The following MAN1A2 variants were observed in gnomAD, a reference collection of about 807,000 sequenced individuals.
The protein encoded by MAN1A2 is mannosyl-oligosaccharide 1,2-alpha-mannosidase IB.
Under a neutral mutation model 75.7 loss-of-function variants are expected in MAN1A2, and 26 were observed. That is an observed-to-expected ratio of 0.34 (90% CI 0.25 to 0.48). The LOEUF is 0.48. Among genes scored for constraint, MAN1A2 ranks in the 20% least tolerant of loss-of-function variants. The pLI, the probability that MAN1A2 is intolerant of heterozygous loss-of-function variation, is 0.99. For synonymous variants in MAN1A2, 247 were observed against 264.6 expected, an observed-to-expected ratio of 0.93 and a Z score of 0.65; for missense variants, 562 against 775.5, an observed-to-expected ratio of 0.72 and a Z score of 3.27.
intron 1 of MAN1A2, among the ~76,000 whole-genome samples, 182 bp from the exon 2 acceptor site, chr1:117,402,004 C>A (rs1464019740): frequency 1.3e-5 from 2 of 152,066 alleles, no homozygotes; most frequent in African/African-American, 4.8e-5. Flanking sequence ...CTTAGGCATC[C>A]AGGGTTCCTT....
chr1:117,407,681 A>G (rs1299532475), intron 3 of MAN1A2, among the ~76,000 whole-genome samples: 1 of 152,228 alleles, frequency 6.6e-6, no homozygotes, highest in Non-Finnish European at 1.5e-5. Context: ...TGCAGATAAC[A>G]GAAAATCCAT....
In MAN1A2 at chr1:117,502,903, G is replaced by A. The variant is rs764855309; in HGVS notation, c.1726G>A (p.Asp576Asn). ...RVNGGFSGVK[D>N]VYSSTPTHDD... Reference sequence around the variant, plus strand: ...TAATGGTGGGTTTTCTGGAGTCAAAGATGTATATTCCTCTACTCCTACACA... The same window carrying A: ...TAATGGTGGGTTTTCTGGAGTCAAAAATGTATATTCCTCTACTCCTACACA... Residue 576 changes from aspartate (D) to asparagine (N), a missense_variant, in exon 12 of 13, where the codon GAT becomes AAT. By Grantham distance (23) the Asp-to-Asn change is conservative (BLOSUM62 1). This residue lies in a region of MAN1A2 where 434 missense variants were observed against 645.7 expected (regional missense o/e 0.67). Coordinates refer to ENST00000356554, the MANE Select transcript of MAN1A2 (RefSeq NM_006699.5). The A allele has an allele frequency of 1.9e-6, 3 of 1,608,324 alleles. No individual in the cohort carries two copies. Among genetic ancestry groups the A allele is most frequent in the South Asian group, 1.1e-5 (1 of 90,762 alleles).
intron 7 of MAN1A2, among the ~76,000 whole-genome samples, chr1:117,465,063 G>A (rs1035311367): frequency 6.6e-6 from 1 of 152,046 alleles, no homozygotes; most frequent in East Asian, 1.9e-4. Context: ...TATATAAACA[G>A]AGATACAAGA....
chr1:117,417,536 T>TATATATATATATATATATATATATGTG (rs1648036499), intron 4 of MAN1A2, among the ~76,000 whole-genome samples: 1 of 133,154 alleles, frequency 7.5e-6, no homozygotes, highest in Non-Finnish European at 1.6e-5. Context: ...TGAGTTTAAA[T>TATATATATATATATATATATATATGTG]ATATATATAT....
intron 12 of MAN1A2, among the ~76,000 whole-genome samples, chr1:117,522,168 A>G (rs950173018): frequency 6.6e-6 from 1 of 151,936 alleles, no homozygotes; most frequent in Non-Finnish European, 1.5e-5. Context: ...CCTGTACCCC[A>G]GTAACTTATG....
chr1:117,522,936 A>G lies in MAN1A2; in HGVS notation c.1905A>G (p.Ser635=). The G allele has an allele frequency of 6.2e-7, 1 of 1,611,526 alleles. No homozygotes were observed. The highest frequency in any genetic ancestry group is 2.2e-5 in the East Asian group (1 of 44,844). ...PVLHLANTTL[S]GNPAVR ...TACATTTAGCCAACACCACACTTTC[A>G]GGTAATCCTGCTGTTCGATGAAAGC... Residue 635 remains serine, a synonymous_variant, in exon 13 of 13, where the codon TCA becomes TCG. Transcript: ENST00000356554.
chr1:117,458,803 C>T (rs945757597), intron 6 of MAN1A2, among the ~76,000 whole-genome samples: 1 of 151,752 alleles, frequency 6.6e-6, no homozygotes, highest in Non-Finnish European at 1.5e-5. Context: ...GGATTACTGG[C>T]GTGAGCCACC....
intron 12 of MAN1A2, among the ~76,000 whole-genome samples, chr1:117,519,744 A>G (rs1258644236): frequency 6.6e-6 from 1 of 152,104 alleles, no homozygotes; most frequent in Non-Finnish European, 1.5e-5. Context: ...GAATTCTATC[A>G]GACATTCTAA....
At position 117,463,737 on chromosome 1, in the gene MAN1A2, A is replaced by G. The variant is rs1028511491; in HGVS notation, c.1075-2597A>G. Reference sequence around the variant, plus strand: ...GTAAAAAAAAAAAGTCACCATGAGTAATTCATACCATAATAGAAATTAAAT... The same window carrying G: ...GTAAAAAAAAAAAGTCACCATGAGTGATTCATACCATAATAGAAATTAAAT... On this transcript the variant is annotated intron_variant, in intron 7 of 12. Transcript: ENST00000356554. Among the ~76,000 whole-genome samples, 33 of 152,196 alleles carry G rather than the reference A, an allele frequency of 2.2e-4. 1 individual carries two copies. The highest frequency in any genetic ancestry group is 1.3e-4 in the Admixed American group (2 of 15,272).
chr1:117,369,175 TTTAATG>T (rs1652870853), intron 1 of MAN1A2, among the ~76,000 whole-genome samples: 1 of 152,228 alleles, frequency 6.6e-6, no homozygotes, highest in South Asian at 2.1e-4. Context: ...TGCTCTCTCT[TTTAATG>T]TAATAGATGG....
intron 1 of MAN1A2, among the ~76,000 whole-genome samples, chr1:117,384,516 A>G (rs1653455534): frequency 6.6e-6 from 1 of 152,122 alleles, no homozygotes; most frequent in Admixed American, 6.6e-5. Flanking sequence ...TTGTGGCTCA[A>G]AATGTGGTCT....
At chr1:117,511,852 A>G (rs915088053) in intron 12 of MAN1A2, among the ~76,000 whole-genome samples, 1 of 152,122 alleles carries the variant, frequency 6.6e-6, no homozygotes, top group African/African-American at 2.4e-5. Context: ...CAATTAGAAT[A>G]TAAACTACAT....
At chr1:117,484,915 C>G (rs1557969920) in intron 8 of MAN1A2, among the ~76,000 whole-genome samples, 1 of 151,886 alleles carries the variant, frequency 6.6e-6, no homozygotes, top group African/African-American at 2.4e-5. Context: ...TGTGGCTTGT[C>G]TATATGTTTT....
At chr1:117,435,252 T>C (rs55748271) in intron 5 of MAN1A2, among the ~76,000 whole-genome samples, 22,052 of 151,938 alleles carry the variant, frequency 0.15, 1,846 homozygotes, top group South Asian at 0.22. Context: ...AGAGACAATT[T>C]AGGATAGGAA....
rs146715791 is a variant in MAN1A2, at chr1:117,499,890, A to G, written c.1677+336A>G. ...ATCAGTACCTAGGGAGGAAAAAACTATTAGTCTTTTATGAAAGTATAGCTT... is the reference window on the plus strand; with the variant it reads ...ATCAGTACCTAGGGAGGAAAAAACTGTTAGTCTTTTATGAAAGTATAGCTT... On this transcript the variant is annotated intron_variant, in intron 11 of 12. Transcript: ENST00000356554. Among the ~76,000 whole-genome samples, 86 of 151,636 alleles carry G rather than the reference A, an allele frequency of 5.7e-4. No individual in the cohort carries two copies. The East Asian group carries it at 0.016, about 28-fold the overall frequency.
chr1:117,376,159 C>T (rs907778221), intron 1 of MAN1A2, among the ~76,000 whole-genome samples: 1 of 152,342 alleles, frequency 6.6e-6, no homozygotes, highest in Admixed American at 6.5e-5. Context: ...ATCCGCCCGC[C>T]TCGGCCTCCC....
intron 1 of MAN1A2, among the ~76,000 whole-genome samples, chr1:117,375,869 A>C (rs1653119230): frequency 6.7e-6 from 1 of 149,746 alleles, no homozygotes; most frequent in African/African-American, 2.5e-5. Context: ...ATCTCTCCCC[A>C]TTTTTGTTTT....
At chr1:117,520,952 A>T (rs1250165536) in intron 12 of MAN1A2, among the ~76,000 whole-genome samples, 6 of 152,110 alleles carry the variant, frequency 3.9e-5, no homozygotes, top group African/African-American at 1.2e-4. Flanking sequence ...ACAGCATGAT[A>T]CTTGTATAAA....
rs1460087545 is a variant in MAN1A2, at chr1:117,466,330, T to C, written c.1075-4T>C. 1 of 1,572,124 alleles carries C rather than the reference T, an allele frequency of 6.4e-7. No individual in the cohort carries two copies. Among genetic ancestry groups the C allele is most frequent in the Non-Finnish European group, 8.7e-7 (1 of 1,151,538 alleles). ...AATTGCATTCTTAATTTTATTTTAC[T>C]CAGGTTATGCACATTCGGAAACTAC... On this transcript the variant is annotated splice_region_variant and splice_polypyrimidine_tract_variant and intron_variant, in intron 7 of 12. Transcript: ENST00000356554.
Sources: allele counts gnomAD v4.1 joint callset (sites outside exome capture counted in the v4.1 genomes callset), GRCh38; gene constraint gnomAD v4.1.1; regional missense constraint gnomAD v4.1.1; transcripts MANE v1.5; gene names NCBI Gene and HGNC (gene_info 2026-07-23, HGNC 2026-07-21).